The following CDKAL1 variants were observed in gnomAD, a reference collection of about 807,000 sequenced individuals.
CDKAL1 encodes the protein threonylcarbamoyladenosine tRNA methylthiotransferase.
CDKAL1 carries 32 observed loss-of-function variants against 68.2 expected under a neutral mutation model. The ratio of observed to expected loss-of-function variants is 0.47; its 90% CI spans 0.35 to 0.63. The LOEUF (loss-of-function observed/expected upper bound fraction) is 0.63, where lower values mean the gene tolerates loss of function less well. Among genes scored for constraint, CDKAL1 ranks in the 30% least tolerant of loss-of-function variants. CDKAL1 has a pLI of 0.00. For synonymous variants in CDKAL1, 234 were observed against 244.3 expected (o/e 0.96, Z 0.39); for missense variants, 606 against 696.7 (o/e 0.87, Z 1.47).
chr6:21,068,048 TTACCAGTTG>T (rs1771552692), intron 12 of CDKAL1, among the ~76,000 whole-genome samples: 1 of 19,098 alleles, frequency 5.2e-5, no homozygotes, highest in Non-Finnish European at 9.4e-5. Context: ...ACCTGTTGGT[TTACCAGTTG>T]GATTTACAAC....
At chr6:20,709,835 T>G (rs73732743) in intron 5 of CDKAL1, among the ~76,000 whole-genome samples, 11,355 of 152,214 alleles carry the variant, frequency 0.075, 1,351 homozygotes, top group African/African-American at 0.25. Context: ...TTGTATGTAA[T>G]GGGAAAGAGG....
At chr6:21,082,896 CAG>C (rs1772484682) in intron 12 of CDKAL1, among the ~76,000 whole-genome samples, 1 of 128,080 alleles carries the variant, frequency 7.8e-6, no homozygotes. Context: ...TTTTTTGAGA[CAG>C]GGTCTCGTTC....
intron 5 of CDKAL1, among the ~76,000 whole-genome samples, chr6:20,689,254 TG>T (rs1175512402): frequency 6.6e-6 from 1 of 152,142 alleles, no homozygotes; most frequent in Non-Finnish European, 1.5e-5. Context: ...CACGCAAGTA[TG>T]GGGCCCCAGT....
chr6:21,211,745 T>C (rs1779157954), intron 15 of CDKAL1, among the ~76,000 whole-genome samples: 1 of 152,058 alleles, frequency 6.6e-6, no homozygotes, highest in African/African-American at 2.4e-5. Context: ...ATCATGCATG[T>C]GGGAATATTT....
chr6:20,900,234 T>C (rs910011505), intron 9 of CDKAL1, among the ~76,000 whole-genome samples: 10 of 152,146 alleles, frequency 6.6e-5, no homozygotes, highest in Admixed American at 6.5e-4. Flanking sequence ...TCAATCCTTA[T>C]TAAAAAAAAG....
At chr6:21,227,719 T>C (rs1432859173) in intron 15 of CDKAL1, among the ~76,000 whole-genome samples, 2 of 152,204 alleles carry the variant, frequency 1.3e-5, no homozygotes, top group Non-Finnish European at 2.9e-5. Flanking sequence ...TGTTCAAATA[T>C]GTTAAACATC....
chr6:20,927,371 A>C (rs1186974311), intron 9 of CDKAL1, among the ~76,000 whole-genome samples: 1 of 152,220 alleles, frequency 6.6e-6, no homozygotes, highest in African/African-American at 2.4e-5. Context: ...CTGTGATTTC[A>C]AAAAGCAATG....
At chr6:20,821,260 T>C (rs1777266941) in intron 8 of CDKAL1, among the ~76,000 whole-genome samples, 2 of 152,042 alleles carry the variant, frequency 1.3e-5, no homozygotes, top group Admixed American at 6.6e-5. Flanking sequence ...GTAGGGACGA[T>C]ATCCTGTCGT....
At chr6:21,010,278 G>T (rs139008106) in intron 11 of CDKAL1, among the ~76,000 whole-genome samples, 31 of 152,250 alleles carry the variant, frequency 2.0e-4, no homozygotes, top group African/African-American at 7.5e-4. Context: ...GTATGTGTAC[G>T]TGTTTTAAAA....
At chr6:21,084,681 C>T (rs1470190934) in intron 12 of CDKAL1, among the ~76,000 whole-genome samples, 2 of 152,134 alleles carry the variant, frequency 1.3e-5, no homozygotes, top group Non-Finnish European at 2.9e-5. Context: ...TAACTATTTT[C>T]TGGGTTCTTT....
chr6:21,003,371 T>TATATATATACACACAC lies in CDKAL1; in HGVS notation c.1055+3000_1055+3001insTATATATACACACACA. Among the ~76,000 whole-genome samples the TATATATATACACACAC allele has an allele frequency of 8.5e-4, 42 of 49,286 alleles. No individual in the cohort carries two copies. The East Asian group carries it at 0.013, about 15-fold the overall frequency. 32.3% of individuals were successfully genotyped at this position (49,286 alleles called of 152,430 possible). ...ATATATATATATATATATATATATA[T>TATATATATACACACAC]ACACACACACACACACACATATATA... is the stretch of plus-strand genomic sequence containing the variant. On this transcript the variant is annotated intron_variant, in intron 11 of 15. Coordinates refer to ENST00000274695, the MANE Select transcript of CDKAL1 (RefSeq NM_017774.3).
chr6:20,981,397 T>A lies in CDKAL1; in HGVS notation c.910-18830T>A, dbSNP rs182612180. Among the ~76,000 whole-genome samples the A allele has an allele frequency of 3.3e-5, 5 of 152,318 alleles. No homozygotes were observed. In the East Asian group the frequency reaches 9.7e-4, roughly 29 times the overall value. On this transcript the variant is annotated intron_variant, in intron 10 of 15. Transcript: ENST00000274695. ...TTGGTATATGTTATTTCATCTGGAATGCGTTCTTGCACTTTCTGAGACTAA... is the reference window on the plus strand; with the variant it reads ...TTGGTATATGTTATTTCATCTGGAAAGCGTTCTTGCACTTTCTGAGACTAA...
chr6:21,231,075 C>A lies in CDKAL1; in HGVS notation c.*36C>A. 2 of 1,471,882 alleles carry A rather than the reference C, an allele frequency of 1.4e-6. No homozygotes were observed. The highest frequency in any genetic ancestry group is 1.3e-5 in the South Asian group (1 of 78,258). The allele number at this position is 1,471,882 out of a possible 1,614,324, so 91.2% of individuals were successfully genotyped here. A position where few individuals can be genotyped will look rare whatever the true frequency, so the allele number is the denominator to read the frequency against. ...ATGGAAACATCTATAAAGAAGAATA[C>A]ATTTCTAATTAAAATCTTCAATGAA... is the stretch of plus-strand genomic sequence containing the variant. On this transcript the variant is annotated 3_prime_UTR_variant, in exon 16 of 16. Coordinates refer to ENST00000274695, the MANE Select transcript of CDKAL1 (RefSeq NM_017774.3).
chr6:20,750,980 AAAAAAGAAG>A (rs1773896317), intron 6 of CDKAL1, among the ~76,000 whole-genome samples: 1 of 138,260 alleles, frequency 7.2e-6, no homozygotes, highest in East Asian at 2.2e-4. Context: ...AAAAAAAAAA[AAAAAAGAAG>A]TAACAGTACT....
chr6:20,671,165 A>G (rs931147984), intron 5 of CDKAL1, among the ~76,000 whole-genome samples: 4 of 152,076 alleles, frequency 2.6e-5, no homozygotes, highest in Admixed American at 6.5e-5. Context: ...GTTCCTTGCA[A>G]CCCCTCAAAT....
intron 9 of CDKAL1, among the ~76,000 whole-genome samples, chr6:20,939,956 A>G (rs1763894942): frequency 6.6e-6 from 1 of 152,208 alleles, no homozygotes. Flanking sequence ...GTAGATAGAA[A>G]TGCTATTTGC....
At chr6:20,559,078 C>T (rs1263528616) in intron 4 of CDKAL1, 1 of 152,172 alleles carries the variant, frequency 6.6e-6, no homozygotes, top group Non-Finnish European at 1.5e-5. Context: ...TCCATCTTGG[C>T]CCAGTAATTT....
At position 21,191,428 on chromosome 6, in the gene CDKAL1, A is replaced by T. The variant is rs74912345; in HGVS notation, c.1300-6593A>T. On this transcript the variant is annotated intron_variant, in intron 13 of 15. Coordinates refer to ENST00000274695, the MANE Select transcript of CDKAL1 (RefSeq NM_017774.3). ...AGCTGATTATGTAACTTACTGAAAA[A>T]TCTACCCCAAAATTGAATTTAAAAA... Among the ~76,000 whole-genome samples the T allele has an allele frequency of 9.9e-3, 1,509 of 152,348 alleles. 24 individuals carry two copies. Among genetic ancestry groups the T allele is most frequent in the African/African-American group, 0.035 (1,436 of 41,582 alleles).
At chr6:21,073,260 A>G (rs959614286) in intron 12 of CDKAL1, among the ~76,000 whole-genome samples, 1 of 152,194 alleles carries the variant, frequency 6.6e-6, no homozygotes, top group African/African-American at 2.4e-5. Flanking sequence ...AGTTTTGGCA[A>G]TTGTGAATAA....
Sources: gnomAD v4.1 joint callset for allele counts (sites outside exome capture counted in the v4.1 genomes callset) on GRCh38, gnomAD v4.1.1 for gene constraint, MANE v1.5 for transcripts, NCBI Gene and HGNC (gene_info 2026-07-23, HGNC 2026-07-21) for gene names.